The following STAG1 variants were observed in gnomAD, a reference collection of about 807,000 sequenced individuals.
STAG1 encodes the protein cohesin subunit SA-1.
A neutral mutation model predicts 170.9 loss-of-function variants in STAG1; 26 were observed. The ratio of observed to expected loss-of-function variants is 0.15; its 90% CI spans 0.11 to 0.21. The LOEUF is 0.21. STAG1 is among the 10% of genes least tolerant of loss of function. The probability of loss-of-function intolerance (pLI) is 1.00; values close to 1 mark genes in which losing one functional copy is unlikely to be tolerated. For missense variants in STAG1, 964 were observed against 1,509.5 expected, an observed-to-expected ratio of 0.64 and a Z score of 5.99; for synonymous variants, 514 against 497.7, an observed-to-expected ratio of 1.03 and a Z score of -0.44.
intron 1 of STAG1, among the ~76,000 whole-genome samples, chr3:136,741,518 G>T (rs1258594211): frequency 6.6e-6 from 1 of 152,160 alleles, no homozygotes; most frequent in Non-Finnish European, 1.5e-5. Context: ...GCCCAGGCTG[G>T]AGTGCGATGT....
At chr3:136,649,788 G>C (rs1941153817) in intron 1 of STAG1, among the ~76,000 whole-genome samples, 1 of 150,986 alleles carries the variant, frequency 6.6e-6, no homozygotes, top group Admixed American at 6.6e-5. Context: ...GTTTATTTGA[G>C]ACAGAGTCTC....
Position 136,497,810 on chromosome 3 carries a change from G to A in STAG1, c.902+2413C>T, listed in dbSNP as rs1286684620. 5.3e-5 allele frequency among the ~76,000 whole-genome samples: 8 copies of A among 150,474 alleles called. No individual in the cohort carries two copies. The South Asian group carries it at 6.3e-4, about 12-fold the overall frequency. On this transcript the variant is annotated intron_variant, in intron 9 of 33. Coordinates refer to ENST00000383202, the MANE Select transcript of STAG1 (RefSeq NM_005862.3). ...GTGGAGCTTGCAGTGAGCCGAGATC[G>A]CGCCACTGCACTCTAGCCTGGGCAA...
At chr3:136,718,868 G>A (rs773473319) in intron 1 of STAG1, among the ~76,000 whole-genome samples, 5 of 151,914 alleles carry the variant, frequency 3.3e-5, no homozygotes, top group South Asian at 2.1e-4. Context: ...CGGAGGTTGC[G>A]GTGAGCCAAG....
chr3:136,438,226 G>A lies in STAG1; in HGVS notation c.1547-4567C>T, dbSNP rs537388676. ...CAATTTCCATATCTGGTCCCTTATC[G>A]TTTAGTTTCTTTTCTTTTTTTTTTT... On this transcript the variant is annotated intron_variant, in intron 15 of 33. Transcript: ENST00000383202. 2.2e-3 allele frequency among the ~76,000 whole-genome samples: 301 copies of A among 139,338 alleles called. 1 individual carries two copies. Among genetic ancestry groups the A allele is most frequent in the Admixed American group, 5.0e-3 (65 of 13,010 alleles). The allele number at this position is 139,338 out of a possible 152,430, so 91.4% of individuals were successfully genotyped here.
intron 1 of STAG1, among the ~76,000 whole-genome samples, chr3:136,639,575 T>A (rs779128357): frequency 6.6e-6 from 1 of 152,172 alleles, no homozygotes; most frequent in Non-Finnish European, 1.5e-5. Flanking sequence ...ATTCCAAAAA[T>A]GTCCTCTGGC....
intron 4 of STAG1, among the ~76,000 whole-genome samples, chr3:136,588,749 A>G (rs1210160075): frequency 1.3e-5 from 2 of 148,562 alleles, no homozygotes; most frequent in Non-Finnish European, 3.0e-5. Context: ...TGCCCAGCCT[A>G]TTTTCTGTTT....
chr3:136,627,315 A>G (rs1209020143), intron 2 of STAG1, among the ~76,000 whole-genome samples: 5 of 152,224 alleles, frequency 3.3e-5, no homozygotes, highest in Admixed American at 3.3e-4. Context: ...GTTTCACTTT[A>G]TCTCATCCTA....
intron 1 of STAG1, among the ~76,000 whole-genome samples, chr3:136,665,043 G>A (rs1261156646): frequency 6.6e-6 from 1 of 152,160 alleles, no homozygotes; most frequent in Admixed American, 6.5e-5. Flanking sequence ...TGGGACTTGC[G>A]ACTCCTTTTT....
Position 136,338,399 on chromosome 3 carries a change from C to A in STAG1, c.3724G>T (p.Asp1242Tyr). 1 of 1,613,928 alleles carries A rather than the reference C, an allele frequency of 6.2e-7. No homozygotes were observed. Among genetic ancestry groups the A allele is most frequent in the Non-Finnish European group, 8.5e-7 (1 of 1,179,870 alleles). Residue 1242 changes from aspartate to tyrosine, a missense_variant, in exon 33 of 34, where the codon GAC (aspartate) becomes TAC (tyrosine). Physicochemically the swap from Asp to Tyr is radical, Grantham distance 160 (BLOSUM62 -3). Transcript: ENST00000383202. ...TCATCTTCTATGATAGCTGCAGAGTCAAAGAAGTCTGGCCTTAGCTCAGCT... is the reference window on the plus strand; with the variant it reads ...TCATCTTCTATGATAGCTGCAGAGTAAAAGAAGTCTGGCCTTAGCTCAGCT... The part of the protein sequence containing the change: ...ERAELRPDFF[D>Y]SAAIIEDDSG...
chr3:136,447,001 A>G (rs1339407728), intron 14 of STAG1, among the ~76,000 whole-genome samples: 1 of 149,108 alleles, frequency 6.7e-6, no homozygotes, highest in Non-Finnish European at 1.5e-5. Flanking sequence ...ACTGTGTTTT[A>G]CTATGTTGGC....
At chr3:136,541,455 G>C (rs1935893749) in intron 6 of STAG1, among the ~76,000 whole-genome samples, 1 of 151,544 alleles carries the variant, frequency 6.6e-6, no homozygotes, top group South Asian at 2.1e-4. Context: ...TGATTAATTT[G>C]TGAAGCCAAG....
At chr3:136,661,507 A>C (rs988763739) in intron 1 of STAG1, among the ~76,000 whole-genome samples, 1 of 152,316 alleles carries the variant, frequency 6.6e-6, no homozygotes, top group African/African-American at 2.4e-5. Context: ...CCTTCAGGCT[A>C]TGTGTATAAA....
At chr3:136,445,697 C>G (rs997128567) in intron 14 of STAG1, among the ~76,000 whole-genome samples, 1 of 152,120 alleles carries the variant, frequency 6.6e-6, no homozygotes, top group Non-Finnish European at 1.5e-5. Flanking sequence ...GATTTACAAT[C>G]GCATATATTT....
chr3:136,472,555 A>T, intron 11 of STAG1, 63 bp from the exon 12 acceptor site: 1 of 1,170,040 alleles, frequency 8.5e-7, no homozygotes, highest in Non-Finnish European at 1.3e-6. Context: ...GACAGATCTA[A>T]TATAATGTAT....
At chr3:136,420,618 A>G (rs779494846) in intron 20 of STAG1, among the ~76,000 whole-genome samples, 14 of 152,290 alleles carry the variant, frequency 9.2e-5, no homozygotes, top group Non-Finnish European at 1.9e-4. Flanking sequence ...ATCTCACTAT[A>G]CTGCCCATGC....
chr3:136,635,947 G>T (rs1940534922), intron 1 of STAG1, among the ~76,000 whole-genome samples: 1 of 152,136 alleles, frequency 6.6e-6, no homozygotes, highest in Non-Finnish European at 1.5e-5. Context: ...CAATAAAATT[G>T]TAATGTAAGA....
rs71134408 is a variant in STAG1, at chr3:136,747,093, T to TAAAAAAAAAA, written c.-84+5092_-84+5101dup. ...CCTGGGCAACAAGAGTGAAACTGTC[T>TAAAAAAAAAA]AAAAAAAAAAAAAAAAAAAAAAAAA... On this transcript the variant is annotated intron_variant, in intron 1 of 33. Transcript: ENST00000383202. 1.2e-3 allele frequency among the ~76,000 whole-genome samples: 71 copies of TAAAAAAAAAA among 59,302 alleles called. 3 individuals are homozygous for TAAAAAAAAAA. The highest frequency in any genetic ancestry group is 3.9e-3 in the African/African-American group (47 of 12,074). The allele number at this position is 59,302 out of a possible 152,430, so 38.9% of individuals were successfully genotyped here.
chr3:136,357,841 T>C lies in STAG1; in HGVS notation c.2944A>G (p.Ile982Val). 2 of 1,595,824 alleles carry C rather than the reference T, an allele frequency of 1.3e-6. No individual in the cohort carries two copies. The highest frequency in any genetic ancestry group is 1.7e-6 in the Non-Finnish European group (2 of 1,174,796). Residue 982 changes from isoleucine to valine, a missense_variant, in exon 28 of 34, where the codon ATA becomes GTA. Around this residue, in one of 11 missense-constraint regions of STAG1, gnomAD observed 149 missense variants for 301.3 expected, o/e 0.49. Transcript: ENST00000383202. Reference protein sequence around the residue: ...EAVATLHKDGIEFAFKYQNQK... With the variant: ...EAVATLHKDGVEFAFKYQNQK... ...TTTTGGTATTTAAATGCAAACTCTATGCCATCCCTGAAGTAAAAGAAAATA... is the reference window on the plus strand; with the variant it reads ...TTTTGGTATTTAAATGCAAACTCTACGCCATCCCTGAAGTAAAAGAAAATA...
Position 136,570,219 on chromosome 3 carries a change from C to T in STAG1, c.298-1358G>A, listed in dbSNP as rs1324681107. On this transcript the variant is annotated intron_variant, in intron 4 of 33. Coordinates refer to ENST00000383202, the MANE Select transcript of STAG1 (RefSeq NM_005862.3). The stretch of plus-strand genomic sequence containing the variant: ...ATGTTGCTTTCCAGTCAGTAACCAT[C>T]CCCAGCACAAAGGGTAATTATTATA... Among the ~76,000 whole-genome samples the T allele has an allele frequency of 3.9e-5, 6 of 152,142 alleles. No individual in the cohort carries two copies. The East Asian group carries it at 1.2e-3, about 29-fold the overall frequency.
Sources: gnomAD v4.1 joint callset for allele counts (sites outside exome capture counted in the v4.1 genomes callset) on GRCh38, gnomAD v4.1.1 for gene constraint, gnomAD v4.1.1 regional missense constraint, MANE v1.5 for transcripts, NCBI Gene and HGNC (gene_info 2026-07-23, HGNC 2026-07-21) for gene names.